NBAS: variants seen among roughly 807,000 people sequenced by gnomAD.
The protein encoded by NBAS is NAG/BC035112 fusion.
In NBAS, 219 loss-of-function variants were observed where a neutral mutation model predicts 302.5. The ratio of observed to expected loss-of-function variants is 0.72; its 90% CI spans 0.65 to 0.81. The LOEUF is 0.81. Ranked by LOEUF, NBAS falls within the 30% of genes least tolerant of loss-of-function variation. The pLI is 0.00. For synonymous variants in NBAS, 1,118 were observed against 1,021.6 expected (o/e 1.09, Z -1.80); for missense variants, 2,932 against 2,841.6 (o/e 1.03, Z -0.72).
At chr2:14,917,510 T>G in the NBAS span, among the ~76,000 whole-genome samples, 2 of 152,202 alleles carry the variant, frequency 1.3e-5, no homozygotes, top group Non-Finnish European at 2.9e-5. Context: ...CTCTATTGGT[T>G]AGAAGCAAGT....
chr2:15,501,341 G>A (rs568198861), intron 11 of NBAS, among the ~76,000 whole-genome samples: 35 of 151,718 alleles, frequency 2.3e-4, no homozygotes, highest in African/African-American at 7.3e-4. Context: ...TTAAAGCCAC[G>A]TAAGTTTGGG....
At chr2:14,838,917 T>C in the NBAS span, among the ~76,000 whole-genome samples, 1 of 152,070 alleles carries the variant, frequency 6.6e-6, no homozygotes. Context: ...ACCTGTAGGA[T>C]AGTAGAATAT....
chr2:15,363,930 C>G (rs1674064227), intron 32 of NBAS, among the ~76,000 whole-genome samples: 1 of 152,210 alleles, frequency 6.6e-6, no homozygotes, highest in Non-Finnish European at 1.5e-5. Flanking sequence ...TTCCTCTTTG[C>G]TTTCTTGTGA....
At chr2:15,068,735 C>T in the NBAS span, among the ~76,000 whole-genome samples, 1 of 152,242 alleles carries the variant, frequency 6.6e-6, no homozygotes, top group Non-Finnish European at 1.5e-5. Context: ...AAAAACCACA[C>T]CTGAGAAACA....
the NBAS span, among the ~76,000 whole-genome samples, chr2:14,854,668 G>C: frequency 6.6e-6 from 1 of 152,178 alleles, no homozygotes; most frequent in Admixed American, 6.5e-5. Flanking sequence ...ATTGAATGCA[G>C]TGCTGTCCTG....
chr2:15,114,641 G>A, the NBAS span, among the ~76,000 whole-genome samples: 12 of 152,210 alleles, frequency 7.9e-5, no homozygotes, highest in East Asian at 2.1e-3. Flanking sequence ...AAAGGAGGGA[G>A]GACCATAACA....
the NBAS span, among the ~76,000 whole-genome samples, chr2:15,089,742 C>CTT: frequency 2.5e-3 from 197 of 78,820 alleles, 1 homozygote; most frequent in East Asian, 5.2e-3. Context: ...TGGGTCAGGA[C>CTT]TTTTTTTTTT....
the NBAS span, among the ~76,000 whole-genome samples, chr2:14,780,300 A>G: frequency 2.4e-3 from 361 of 152,362 alleles, no homozygotes; most frequent in African/African-American, 7.9e-3. Context: ...ATGTCTTTTA[A>G]GCCAAAACTC....
chr2:15,059,360 C>CTT, the NBAS span, among the ~76,000 whole-genome samples: 1 of 151,552 alleles, frequency 6.6e-6, no homozygotes, highest in African/African-American at 2.4e-5. Flanking sequence ...TGGATTTTTT[C>CTT]TTTTTTTTTA....
the NBAS span, among the ~76,000 whole-genome samples, chr2:14,988,213 T>A: frequency 6.6e-6 from 1 of 152,220 alleles, no homozygotes; most frequent in Non-Finnish European, 1.5e-5. Context: ...TTTCTTGAAT[T>A]TGTCCCTATT....
the NBAS span, among the ~76,000 whole-genome samples, chr2:14,931,144 T>C: frequency 6.6e-6 from 1 of 152,198 alleles, no homozygotes; most frequent in Non-Finnish European, 1.5e-5. Context: ...ATTTTGAGCA[T>C]TGATAAACCC....
chr2:15,325,826 T>C (rs1672037900), intron 38 of NBAS, among the ~76,000 whole-genome samples: 1 of 152,244 alleles, frequency 6.6e-6, no homozygotes, highest in Non-Finnish European at 1.5e-5. Context: ...TTTCAGTCTT[T>C]CTCAGCTTTC....
chr2:15,505,732 T>C (rs1046184489), intron 10 of NBAS, among the ~76,000 whole-genome samples: 16 of 152,010 alleles, frequency 1.1e-4, no homozygotes, highest in African/African-American at 3.9e-4. Context: ...TCAACACGTG[T>C]CAACAAAGGG....
chr2:15,526,956 T>C (rs1275567397), intron 9 of NBAS, among the ~76,000 whole-genome samples: 1 of 152,148 alleles, frequency 6.6e-6, no homozygotes, highest in Non-Finnish European at 1.5e-5. Context: ...CTTACCTTCC[T>C]GAAATAATGC....
chr2:15,287,245 A>T, intron 41 of NBAS, 62 bp from the exon 42 acceptor site: 1 of 1,323,670 alleles, frequency 7.6e-7, no homozygotes, highest in East Asian at 2.3e-5. Flanking sequence ...TTCAATCAGC[A>T]ACGAAAATGC....
intron 29 of NBAS, among the ~76,000 whole-genome samples, chr2:15,380,269 G>A (rs1394304254): frequency 6.6e-6 from 1 of 151,618 alleles, no homozygotes; most frequent in African/African-American, 2.4e-5. Context: ...TTTAATATGG[G>A]TTCTTGCTAT....
intron 25 of NBAS, among the ~76,000 whole-genome samples, chr2:15,407,477 C>T (rs140261617): frequency 2.0e-5 from 3 of 152,192 alleles, no homozygotes; most frequent in East Asian, 1.9e-4. Flanking sequence ...AACTTGAAAC[C>T]GCTCAATCCC....
At chr2:15,438,072 T>C (rs569491344) in intron 21 of NBAS, among the ~76,000 whole-genome samples, 1 of 152,368 alleles carries the variant, frequency 6.6e-6, no homozygotes, top group African/African-American at 2.4e-5. Context: ...GCTCAATACA[T>C]TGCAGCTTTG....
At chr2:15,153,590 G>C in the NBAS span, among the ~76,000 whole-genome samples, 1 of 152,214 alleles carries the variant, frequency 6.6e-6, no homozygotes, top group East Asian at 1.9e-4. Flanking sequence ...ACACAATGTT[G>C]AGAAGCTGGA....
Sources: allele counts gnomAD v4.1 joint callset (sites outside exome capture counted in the v4.1 genomes callset), GRCh38; gene constraint gnomAD v4.1.1; transcripts MANE v1.5; gene names NCBI Gene and HGNC (gene_info 2026-07-23, HGNC 2026-07-21).